PDE1C: variants seen among roughly 807,000 people sequenced by gnomAD.
PDE1C encodes dual specificity calcium/calmodulin-dependent 3',5'-cyclic nucleotide phosphodiesterase 1C.
A neutral mutation model predicts 93.1 loss-of-function variants in PDE1C; 62 were observed. That is an observed-to-expected ratio of 0.67 (90% confidence interval 0.54 to 0.82). The LOEUF is 0.82. PDE1C is among the 40% of genes least tolerant of loss of function. The pLI, the probability that PDE1C is intolerant of heterozygous loss-of-function variation, is 0.00. For missense variants in PDE1C, 742 were observed against 884.6 expected (o/e 0.84, Z 2.04); for synonymous variants, 325 against 310.1 (o/e 1.05, Z -0.50).
At chr7:31,622,778 A>G in the PDE1C span, among the ~76,000 whole-genome samples, 1 of 152,146 alleles carries the variant, frequency 6.6e-6, no homozygotes, top group Non-Finnish European at 1.5e-5. Context: ...TGAAGGAAAT[A>G]GAGACACAAA....
intron 2 of PDE1C, among the ~76,000 whole-genome samples, chr7:31,992,357 C>T (rs1008885923): frequency 5.9e-5 from 9 of 152,172 alleles, no homozygotes; most frequent in African/African-American, 2.2e-4. Context: ...GGCACCAGTA[C>T]CTGGTGTTTC....
chr7:32,231,925 A>G (rs16875804), intron 1 of PDE1C, among the ~76,000 whole-genome samples: 1 of 151,198 alleles, frequency 6.6e-6, no homozygotes, highest in African/African-American at 2.4e-5. Flanking sequence ...ATATTCAAGA[A>G]CCAATCGTGA....
chr7:32,211,592 G>A (rs548532220), intron 1 of PDE1C, among the ~76,000 whole-genome samples: 116 of 151,940 alleles, frequency 7.6e-4, no homozygotes, highest in Non-Finnish European at 3.5e-4. Context: ...AAAAAAAAGG[G>A]GGGGGTAAGA....
At chr7:32,298,572 G>T (rs1237135157) in intron 1 of PDE1C, 12 of 1,495,820 alleles carry the variant, frequency 8.0e-6, no homozygotes, top group Admixed American at 2.0e-5. Context: ...CCCCCTGCCC[G>T]CTTAGAAAGG....
chr7:32,190,820 T>C (rs1403531242), intron 2 of PDE1C, among the ~76,000 whole-genome samples: 2 of 152,108 alleles, frequency 1.3e-5, no homozygotes, highest in African/African-American at 4.8e-5. Flanking sequence ...TATATAGATG[T>C]CAAATAAAGG....
intron 2 of PDE1C, among the ~76,000 whole-genome samples, chr7:32,014,300 C>CA (rs11306161): frequency 3.3e-5 from 5 of 151,504 alleles, no homozygotes; most frequent in East Asian, 3.9e-4. Flanking sequence ...GCTATAACGT[C>CA]AAAAAAAAAA....
At chr7:31,781,613 G>A (rs62457308) in intron 16 of PDE1C, among the ~76,000 whole-genome samples, 6,028 of 152,082 alleles carry the variant, frequency 0.04, 275 homozygotes, top group East Asian at 0.18. Context: ...CAGCTTTGAA[G>A]AGAGAGCATC....
chr7:32,396,727 G>GT (rs1025512854), intron 1 of PDE1C, among the ~76,000 whole-genome samples: 2 of 151,422 alleles, frequency 1.3e-5, no homozygotes, highest in Non-Finnish European at 2.9e-5. Flanking sequence ...ATAGTAAAAT[G>GT]TTTTTTTTAA....
chr7:32,121,063 C>A (rs1799275014), intron 3 of PDE1C, among the ~76,000 whole-genome samples: 1 of 152,088 alleles, frequency 6.6e-6, no homozygotes, highest in Non-Finnish European at 1.5e-5. Context: ...AAAAACACAA[C>A]ACAAGAACTT....
At chr7:32,075,263 T>C (rs1373163894), upstream of PDE1C, among the ~76,000 whole-genome samples, 1 of 152,212 alleles carries the variant, frequency 6.6e-6, no homozygotes, top group Non-Finnish European at 1.5e-5. Context: ...TTGACCTCCA[T>C]GAAGCCAGCC....
At chr7:31,762,386 C>T (rs1794889039) in intron 17 of PDE1C, among the ~76,000 whole-genome samples, 1 of 152,058 alleles carries the variant, frequency 6.6e-6, no homozygotes, top group African/African-American at 2.4e-5. Context: ...TGTCACCCAG[C>T]CTGGAGTGCA....
chr7:31,911,604 T>A (rs943943586), intron 2 of PDE1C, among the ~76,000 whole-genome samples: 25 of 152,208 alleles, frequency 1.6e-4, no homozygotes, highest in Admixed American at 1.6e-3. Flanking sequence ...TCACATGAGA[T>A]GTGCAGCCTG....
chr7:31,707,207 T>C, the PDE1C span: 1 of 1,613,580 alleles, frequency 6.2e-7, no homozygotes, highest in African/African-American at 1.3e-5. Context: ...TTTGCAGGTG[T>C]GACATTGCTC....
chr7:31,790,322 C>T (rs1300243922), intron 16 of PDE1C: 2 of 1,446,178 alleles, frequency 1.4e-6, no homozygotes, highest in Non-Finnish European at 1.9e-6. Flanking sequence ...CCACCTCCAC[C>T]CTCCAAGTCT....
At chr7:32,081,642 C>A (rs1220871598) in intron 3 of PDE1C, among the ~76,000 whole-genome samples, 2 of 152,178 alleles carry the variant, frequency 1.3e-5, no homozygotes, top group Admixed American at 1.3e-4. Flanking sequence ...CACTTTTTCT[C>A]TTCATTTATT....
intron 1 of PDE1C, among the ~76,000 whole-genome samples, chr7:32,219,277 G>A (rs535286512): frequency 1.0e-3 from 157 of 152,292 alleles, no homozygotes; most frequent in African/African-American, 3.6e-3. Context: ...AGTCTGCCCA[G>A]GGAGAGGAAA....
chr7:31,987,668 T>C (rs1783594346), intron 2 of PDE1C, among the ~76,000 whole-genome samples: 1 of 152,296 alleles, frequency 6.6e-6, no homozygotes, highest in African/African-American at 2.4e-5. Context: ...TCACTATGTG[T>C]TTTTTGTTTT....
At position 32,003,473 on chromosome 7, in the gene PDE1C, G is replaced by A. The variant is rs1425029269; in HGVS notation, c.128+48081C>T. Among the ~76,000 whole-genome samples, 5 of 152,228 alleles carry A rather than the reference G, an allele frequency of 3.3e-5. 1 individual carries two copies. Among genetic ancestry groups the A allele is most frequent in the African/African-American group, 7.2e-5 (3 of 41,466 alleles). ...GTGGTTCAAGATAAAACACTGTATAGTACAATGCTTATTGTCTTTAAATAT... is the reference window on the plus strand; with the variant it reads ...GTGGTTCAAGATAAAACACTGTATAATACAATGCTTATTGTCTTTAAATAT... On this transcript the variant is annotated intron_variant, in intron 2 of 17. Coordinates refer to ENST00000396191, the MANE Select transcript of PDE1C (RefSeq NM_001191057.4).
intron 1 of PDE1C, among the ~76,000 whole-genome samples, chr7:32,341,095 G>A (rs541030674): frequency 1.3e-5 from 2 of 152,148 alleles, no homozygotes; most frequent in East Asian, 3.9e-4. Context: ...TACAGATGTG[G>A]GAGGGGCAGG....
Sources: allele counts gnomAD v4.1 joint callset (sites outside exome capture counted in the v4.1 genomes callset), GRCh38; gene constraint gnomAD v4.1.1; transcripts MANE v1.5; gene names NCBI Gene and HGNC (gene_info 2026-07-23, HGNC 2026-07-21).